RGL1: variants seen among roughly 807,000 people sequenced by gnomAD.
RGL1 encodes ral guanine nucleotide dissociation stimulator-like 1.
In RGL1, 24 loss-of-function variants were observed where a neutral mutation model predicts 95.2. The observed-to-expected ratio is 0.25, with a 90% CI of 0.18 to 0.35. The LOEUF (loss-of-function observed/expected upper bound fraction) is 0.35, where lower values mean the gene tolerates loss of function less well. Ranked by LOEUF, RGL1 falls within the 10% of genes least tolerant of loss-of-function variation. RGL1 has a pLI of 1.00. For missense variants in RGL1, 715 were observed against 936.3 expected, an observed-to-expected ratio of 0.76 and a Z score of 3.08; for synonymous variants, 329 against 344.9, an observed-to-expected ratio of 0.95 and a Z score of 0.51.
At chr1:183,776,170 A>T (rs1193626549) in intron 2 of RGL1, among the ~76,000 whole-genome samples, 6 of 115,094 alleles carry the variant, frequency 5.2e-5, no homozygotes, top group Non-Finnish European at 1.0e-4. Context: ...TTTTTTTGAG[A>T]CGGAGTCTCG....
chr1:183,748,628 G>A lies in RGL1; in HGVS notation c.132+6339G>A, dbSNP rs565793931. On this transcript the variant is annotated intron_variant, in intron 2 of 18. Coordinates refer to the RGL1 transcript ENST00000304685. Reference sequence around the variant, plus strand: ...TCACTGTGTTAGCCAGGATGGTCTCGATCTCCTGACCTCGTGATCTGCCTG... The same window carrying A: ...TCACTGTGTTAGCCAGGATGGTCTCAATCTCCTGACCTCGTGATCTGCCTG... 9.9e-5 allele frequency among the ~76,000 whole-genome samples: 15 copies of A among 152,004 alleles called. No individual in the cohort carries two copies. The South Asian group carries it at 2.1e-3, about 21-fold the overall frequency.
chr1:183,813,090 C>T (rs997704503), intron 2 of RGL1, among the ~76,000 whole-genome samples: 9 of 151,986 alleles, frequency 5.9e-5, no homozygotes, highest in Admixed American at 2.0e-4. Context: ...AGCATGGGGA[C>T]CCAGGAGGAG....
chr1:183,817,018 A>G (rs914162704), intron 2 of RGL1, among the ~76,000 whole-genome samples: 3 of 152,076 alleles, frequency 2.0e-5, no homozygotes, highest in Non-Finnish European at 4.4e-5. Context: ...AAAATGTTCT[A>G]TTTCTTCTTT....
chr1:183,795,206 C>T (rs1660637084), intron 2 of RGL1, among the ~76,000 whole-genome samples: 1 of 152,118 alleles, frequency 6.6e-6, no homozygotes, highest in Non-Finnish European at 1.5e-5. Flanking sequence ...CTATCTATAT[C>T]AAATTATTTA....
chr1:183,651,943 T>A (rs1264270251), intron 1 of RGL1, among the ~76,000 whole-genome samples: 1 of 152,168 alleles, frequency 6.6e-6, no homozygotes, highest in African/African-American at 2.4e-5. Flanking sequence ...AAGCCCAAAC[T>A]TTCATGCTTT....
chr1:183,877,597 G>A (rs555646874), intron 4 of RGL1, among the ~76,000 whole-genome samples: 7 of 152,120 alleles, frequency 4.6e-5, no homozygotes, highest in African/African-American at 9.7e-5. Flanking sequence ...GCTCTGCCTC[G>A]TGTTCTATTG....
chr1:183,666,908 C>T (rs1652079270), intron 1 of RGL1, among the ~76,000 whole-genome samples: 1 of 152,204 alleles, frequency 6.6e-6, no homozygotes. Context: ...TACTGATTTT[C>T]TGCAGGCTGT....
At chr1:183,673,491 T>C (rs1652614185) in intron 1 of RGL1, among the ~76,000 whole-genome samples, 1 of 152,258 alleles carries the variant, frequency 6.6e-6, no homozygotes, top group Non-Finnish European at 1.5e-5. Context: ...GGCTTCATTG[T>C]TGATTCCGTA....
intron 3 of RGL1, among the ~76,000 whole-genome samples, chr1:183,861,525 C>G (rs1195397689): frequency 6.6e-6 from 1 of 152,160 alleles, no homozygotes; most frequent in Non-Finnish European, 1.5e-5. Context: ...TTTTCTTTCC[C>G]TTTTCTATTA....
intron 1 of RGL1, among the ~76,000 whole-genome samples, chr1:183,678,300 T>G (rs1468256322): frequency 1.3e-5 from 2 of 152,202 alleles, no homozygotes; most frequent in African/African-American, 4.8e-5. Flanking sequence ...TTTCCCACTT[T>G]CCATAGATTT....
In RGL1 at chr1:183,641,731, T is replaced by C. The variant is rs527569600; in HGVS notation, c.-33+5230T>C. On this transcript the variant is annotated intron_variant, in intron 1 of 18. Transcript: ENST00000304685. ...CAATAGTTTAAATGATGAAAAATTA[T>C]CATGCTATTTGGTTTTTGAAAGTTA... is the stretch of plus-strand genomic sequence containing the variant. Among the ~76,000 whole-genome samples, 5 of 152,344 alleles carry C rather than the reference T, an allele frequency of 3.3e-5. No homozygotes were observed. In the East Asian group the frequency reaches 9.6e-4, roughly 29 times the overall value.
intron 4 of RGL1, among the ~76,000 whole-genome samples, chr1:183,875,678 C>A (rs544754646): frequency 2.7e-4 from 41 of 151,896 alleles, no homozygotes; most frequent in South Asian, 2.5e-3. Context: ...GAGTTTGAAA[C>A]CAGCCTGGCC....
chr1:183,723,714 A>ATTTAG (rs1191784062), intron 1 of RGL1, among the ~76,000 whole-genome samples: 1 of 152,172 alleles, frequency 6.6e-6, no homozygotes, highest in Non-Finnish European at 1.5e-5. Flanking sequence ...GGTTCTAAAT[A>ATTTAG]AACTTGAAAG....
Position 183,826,531 on chromosome 1 carries a change from C to T in RGL1, c.138+20046C>T, listed in dbSNP as rs563527062. On this transcript the variant is annotated intron_variant, in intron 2 of 17. Coordinates refer to ENST00000360851, the MANE Select transcript of RGL1 (RefSeq NM_001297671.3). ...AACAGCACCTAGCCGATGGAAGACA[C>T]GTGATTATTTGTGGAATAAATGCAT... 8.5e-5 allele frequency among the ~76,000 whole-genome samples: 13 copies of T among 152,090 alleles called. No homozygotes were observed. In the South Asian group the frequency reaches 2.3e-3, roughly 27 times the overall value.
chr1:183,684,369 G>A (rs536221547), intron 1 of RGL1, among the ~76,000 whole-genome samples: 5 of 152,276 alleles, frequency 3.3e-5, no homozygotes, highest in Non-Finnish European at 7.4e-5. Flanking sequence ...TGACCTTTTT[G>A]TTGATGTTTA....
chr1:183,763,188 A>T (rs1213088969), intron 2 of RGL1, among the ~76,000 whole-genome samples: 1 of 152,158 alleles, frequency 6.6e-6, no homozygotes, highest in Non-Finnish European at 1.5e-5. Flanking sequence ...GAGCTGAACA[A>T]TGAGAACACA....
intron 14 of RGL1, among the ~76,000 whole-genome samples, chr1:183,910,831 T>G (rs1668603489): frequency 6.6e-6 from 1 of 152,336 alleles, no homozygotes; most frequent in East Asian, 1.9e-4. Context: ...TGCTCTGAGC[T>G]CCGGTTTTCA....
intron 1 of RGL1, among the ~76,000 whole-genome samples, chr1:183,699,610 C>G (rs1654463238): frequency 6.6e-6 from 1 of 152,170 alleles, no homozygotes; most frequent in Admixed American, 6.5e-5. Context: ...CTATCCCCAG[C>G]TAGAGCCACT....
intron 2 of RGL1, among the ~76,000 whole-genome samples, chr1:183,758,388 G>A (rs1168823097): frequency 3.3e-5 from 5 of 151,958 alleles, no homozygotes; most frequent in Admixed American, 6.6e-5. Flanking sequence ...TAGTAGAGAC[G>A]GGGTTTCACC....
Sources: allele counts gnomAD v4.1 joint callset (sites outside exome capture counted in the v4.1 genomes callset), GRCh38; gene constraint gnomAD v4.1.1; transcripts MANE v1.5; gene names NCBI Gene and HGNC (gene_info 2026-07-23, HGNC 2026-07-21).